DNAAF9: variants seen among roughly 807,000 people sequenced by gnomAD.
DNAAF9 encodes shulin.
In DNAAF9, 90 loss-of-function variants were observed where a neutral mutation model predicts 167.0. The ratio of observed to expected loss-of-function variants is 0.54; its 90% CI spans 0.45 to 0.64. DNAAF9 has a LOEUF of 0.64. Among genes scored for constraint, DNAAF9 ranks in the 30% least tolerant of loss-of-function variants. The pLI is 0.00. For synonymous variants in DNAAF9, 491 were observed against 508.8 expected (o/e 0.96, Z 0.47); for missense variants, 1,315 against 1,442.2 (o/e 0.91, Z 1.43).
chr20:3,326,412 C>T (rs2069711731), intron 12 of DNAAF9, 128 bp from the exon 13 acceptor site: 1 of 656,612 alleles, frequency 1.5e-6, no homozygotes, highest in Non-Finnish European at 2.7e-6. Flanking sequence ...AAAAATATAA[C>T]CCACTGATTT....
chr20:3,319,306 G>A (rs1340319258), intron 16 of DNAAF9, among the ~76,000 whole-genome samples: 1 of 130,700 alleles, frequency 7.7e-6, no homozygotes, highest in Non-Finnish European at 1.6e-5. Flanking sequence ...AAGCTATCAA[G>A]CTTTTATGGC....
chr20:3,368,136 G>A (rs892338373), intron 6 of DNAAF9, among the ~76,000 whole-genome samples: 18 of 152,068 alleles, frequency 1.2e-4, no homozygotes, highest in Middle Eastern at 3.2e-3. Flanking sequence ...GCTGAGTACC[G>A]ACTGGGGCAA....
chr20:3,278,166 A>T (rs2068703754), intron 29 of DNAAF9, among the ~76,000 whole-genome samples: 1 of 152,164 alleles, frequency 6.6e-6, no homozygotes, highest in African/African-American at 2.4e-5. Flanking sequence ...TGCAAGGTTG[A>T]ATGCAACCTG....
intron 31 of DNAAF9, among the ~76,000 whole-genome samples, chr20:3,260,249 G>C (rs1003266187): frequency 6.6e-6 from 1 of 152,058 alleles, no homozygotes; most frequent in South Asian, 2.1e-4. Context: ...TGAGGCAGGA[G>C]AATGGCGTGA....
At chr20:3,384,593 G>A (rs534960777) in intron 1 of DNAAF9, among the ~76,000 whole-genome samples, 1 of 147,120 alleles carries the variant, frequency 6.8e-6, no homozygotes, top group Admixed American at 6.8e-5. Flanking sequence ...GGCTAGACTC[G>A]AACTCCTGGG....
At chr20:3,340,449 A>ACCCCCCCCCCC in intron 10 of DNAAF9, 55 bp downstream of exon 10, 1 of 141,562 alleles carries the variant, frequency 7.1e-6, no homozygotes, top group Non-Finnish European at 1.5e-5. Flanking sequence ...CACCCACCCC[A>ACCCCCCCCCCC]CCCCCACAAC....
chr20:3,314,785 C>T (rs1247408625), intron 20 of DNAAF9, among the ~76,000 whole-genome samples: 2 of 152,170 alleles, frequency 1.3e-5, no homozygotes, highest in Non-Finnish European at 2.9e-5. Flanking sequence ...GCTGCCCTAG[C>T]CCATTGAGAG....
At chr20:3,360,056 T>C (rs1460463533) in intron 6 of DNAAF9, 1 of 152,484 alleles carries the variant, frequency 6.6e-6, no homozygotes, top group African/African-American at 2.4e-5. Flanking sequence ...CAGCAGCACA[T>C]ATACTAAAAT....
intron 6 of DNAAF9, among the ~76,000 whole-genome samples, chr20:3,360,305 A>G (rs1172729438): frequency 6.6e-6 from 1 of 152,130 alleles, no homozygotes; most frequent in Non-Finnish European, 1.5e-5. Flanking sequence ...GTTCTTCTAC[A>G]CCCATTCCTA....
At chr20:3,395,349 C>G (rs1004045878) in intron 1 of DNAAF9, among the ~76,000 whole-genome samples, 1 of 151,646 alleles carries the variant, frequency 6.6e-6, no homozygotes, top group South Asian at 2.1e-4. Context: ...GGTGCAATCT[C>G]AGCTCACTGC....
chr20:3,302,817 C>T (rs891537452), intron 21 of DNAAF9, among the ~76,000 whole-genome samples: 4 of 152,160 alleles, frequency 2.6e-5, no homozygotes, highest in Non-Finnish European at 5.9e-5. Flanking sequence ...CATGAGAAAA[C>T]ATTTTGGTTT....
chr20:3,312,282 C>T (rs995019906), intron 20 of DNAAF9, among the ~76,000 whole-genome samples: 2 of 152,124 alleles, frequency 1.3e-5, no homozygotes, highest in Non-Finnish European at 1.5e-5. Context: ...GCCACCACAC[C>T]CTGCCAGGAA....
intron 1 of DNAAF9, among the ~76,000 whole-genome samples, chr20:3,397,404 C>T (rs553768873): frequency 1.2e-4 from 18 of 152,216 alleles, no homozygotes; most frequent in East Asian, 5.8e-4. Context: ...CTGCAGGCTC[C>T]GCCTCCTGGG....
At chr20:3,356,595 T>C (rs141936338) in intron 7 of DNAAF9, among the ~76,000 whole-genome samples, 6 of 152,368 alleles carry the variant, frequency 3.9e-5, no homozygotes, top group African/African-American at 1.4e-4. Context: ...TTCTGCTTTT[T>C]CCCTTTTTTT....
rs745475264 is a variant in DNAAF9 at position 3,376,203 on chromosome 20, T to C, written c.383A>G (p.His128Arg). Residue 128 changes from histidine (H) to arginine (R), a missense_variant, in exon 4 of 37, where the codon CAT (histidine) becomes CGT (arginine). His to Arg is a conservative substitution (Grantham distance 29). This residue lies in a region of DNAAF9 where 981 missense variants were observed against 1,012.5 expected (regional missense o/e 0.97). Coordinates refer to ENST00000252032, the MANE Select transcript of DNAAF9 (RefSeq NM_001009984.3). ...CTCATTTTCGGTCATGCAGTGGAAA[T>C]GCAGATTTCTCCAATGTGCCACATA... ...LPYVAHWRNL[H>R]FHCMTENEYE... 1.2e-6 allele frequency: 2 copies of C among 1,613,958 alleles called. No homozygotes were observed. The highest frequency in any genetic ancestry group is 3.3e-5 in the Admixed American group (2 of 59,994).
chr20:3,294,250 GAGAAACCT>G lies in DNAAF9; in HGVS notation c.2121-2_2126del. ...TAATGCTGCTGATGGCGAAATGCTG[GAGAAACCT>G]AAAAACACAAAGACAATGCTATTAT... On this transcript the variant is annotated splice_acceptor_variant and coding_sequence_variant, in exon 25 of 37. Transcript: ENST00000252032. LOFTEE classifies it high-confidence loss of function. 1 of 1,603,700 alleles carries G rather than the reference GAGAAACCT, an allele frequency of 6.2e-7. No individual in the cohort carries two copies. Among genetic ancestry groups the G allele is most frequent in the Non-Finnish European group, 8.5e-7 (1 of 1,170,638 alleles).
intron 6 of DNAAF9, among the ~76,000 whole-genome samples, chr20:3,362,674 C>G (rs1434324002): frequency 1.3e-5 from 2 of 152,136 alleles, no homozygotes; most frequent in Non-Finnish European, 2.9e-5. Flanking sequence ...GCTCCAAATG[C>G]AAACCAAAAA....
chr20:3,396,058 CTT>C (rs2083902655), intron 1 of DNAAF9, among the ~76,000 whole-genome samples: 1 of 152,222 alleles, frequency 6.6e-6, no homozygotes. Flanking sequence ...GCTCTCTTCT[CTT>C]GTCTGCTGCC....
At chr20:3,317,039 T>A (rs1054398288) in intron 17 of DNAAF9, among the ~76,000 whole-genome samples, 1 of 151,710 alleles carries the variant, frequency 6.6e-6, no homozygotes, top group Non-Finnish European at 1.5e-5. Context: ...GGATTACAGA[T>A]GCGTGCCACC....
Sources: allele counts gnomAD v4.1 joint callset (sites outside exome capture counted in the v4.1 genomes callset), GRCh38; gene constraint gnomAD v4.1.1; regional missense constraint gnomAD v4.1.1; transcripts MANE v1.5; gene names NCBI Gene and HGNC (gene_info 2026-07-23, HGNC 2026-07-21).